The following TBX5 variants were observed in gnomAD, a reference collection of about 807,000 sequenced individuals.
TBX5 encodes the protein T-box transcription factor 5, also known as T-box transcription factor TBX5.
Under a neutral mutation model 51.1 loss-of-function variants are expected in TBX5, and 8 were observed. The ratio of observed to expected loss-of-function variants is 0.16; its 90% CI spans 0.09 to 0.28. The LOEUF (loss-of-function observed/expected upper bound fraction) is 0.28, where lower values mean the gene tolerates loss of function less well. Among genes scored for constraint, TBX5 ranks in the 10% least tolerant of loss-of-function variants. The pLI, the probability that TBX5 is intolerant of heterozygous loss-of-function variation, is 1.00. For synonymous variants in TBX5, 302 were observed against 266.4 expected, an observed-to-expected ratio of 1.13 and a Z score of -1.30; for missense variants, 589 against 671.7, an observed-to-expected ratio of 0.88 and a Z score of 1.36.
chr12:114,386,273 C>T (rs1402281756), intron 6 of TBX5, among the ~76,000 whole-genome samples: 5 of 152,168 alleles, frequency 3.3e-5, no homozygotes, highest in Non-Finnish European at 5.9e-5. Flanking sequence ...TCTTTTTGCA[C>T]GTTTTGGTTC....
chr12:114,394,744 G>A lies in TBX5; in HGVS notation c.660C>T (p.His220=). The change falls in exon 6 of 9, where the codon CAC becomes CAT. Residue 220 remains histidine (H), a synonymous_variant. Transcript: ENST00000405440. ...GGTTCCTGGGCTTCAGGCTTACCTT[G>A]TGGTTCTGGTAGGAAGTCACTGCTA... ...AFIAVTSYQN[H]KITQLKIENN... 1 of 1,614,142 alleles carries A rather than the reference G, an allele frequency of 6.2e-7. No homozygotes were observed.
At chr12:114,397,802 G>A (rs1361400683) in intron 5 of TBX5, among the ~76,000 whole-genome samples, 4 of 152,188 alleles carry the variant, frequency 2.6e-5, no homozygotes, top group Non-Finnish European at 4.4e-5. Context: ...CTCCCCGGGA[G>A]TATCAAGCTA....
Position 114,355,929 on chromosome 12 carries a change from C to CCGG in TBX5, c.1159_1160insCCG (p.Ser387delinsThrGly), listed in dbSNP as rs1395802754. ...GTCCTCTAGGCTGGGCACAGGCTCG[C>CCGG]TGGGGGGCGCAGAGCTGGCATACAT... is the stretch of plus-strand genomic sequence containing the variant. On this transcript the variant is annotated protein_altering_variant, in exon 9 of 9. Transcript: ENST00000405440. 1 of 1,613,840 alleles carries CCGG rather than the reference C, an allele frequency of 6.2e-7. No homozygotes were observed. The highest frequency in any genetic ancestry group is 1.7e-5 in the Admixed American group (1 of 60,032).
chr12:114,381,146 C>G (rs1293348425), intron 7 of TBX5, among the ~76,000 whole-genome samples: 1 of 152,132 alleles, frequency 6.6e-6, no homozygotes, highest in Non-Finnish European at 1.5e-5. Flanking sequence ...GGAGTTGGGC[C>G]AAGAGGTAGA....
At chr12:114,404,350 T>G (rs543262414) in intron 1 of TBX5, among the ~76,000 whole-genome samples, 1 of 152,232 alleles carries the variant, frequency 6.6e-6, no homozygotes, top group East Asian at 1.9e-4. Context: ...AAACCCAGTG[T>G]CCTTTAGAGA....
At chr12:114,368,360 A>G (rs1468535567) in intron 7 of TBX5, among the ~76,000 whole-genome samples, 5 of 151,816 alleles carry the variant, frequency 3.3e-5, no homozygotes, top group Non-Finnish European at 7.3e-5. Flanking sequence ...CAATCAATCA[A>G]TCAATGCTTA....
Position 114,405,704 on chromosome 12 carries a change from C to T in TBX5, c.-115G>A. ...GGAAGCCGGCGGTGAGGCGGGGGAGCAGGCATGGTGGCTCCGGGGTTTATG... is the reference window on the plus strand; with the variant it reads ...GGAAGCCGGCGGTGAGGCGGGGGAGTAGGCATGGTGGCTCCGGGGTTTATG... On this transcript the variant is annotated 5_prime_UTR_variant, in exon 1 of 9. Coordinates refer to ENST00000405440, the MANE Select transcript of TBX5 (RefSeq NM_181486.4). 1.0e-5 allele frequency: 10 copies of T among 985,604 alleles called. No individual in the cohort carries two copies. The highest frequency in any genetic ancestry group is 1.2e-5 in the Non-Finnish European group (10 of 830,058). 61.1% of individuals were successfully genotyped at this position (985,604 alleles called of 1,614,324 possible). A position where few individuals can be genotyped will look rare whatever the true frequency, so the allele number is the denominator to read the frequency against.
intron 6 of TBX5, among the ~76,000 whole-genome samples, chr12:114,387,080 T>C (rs1253987980): frequency 6.6e-6 from 1 of 151,996 alleles, no homozygotes; most frequent in Non-Finnish European, 1.5e-5. Flanking sequence ...TACTCTAGCT[T>C]GGGCAACAGA....
intron 6 of TBX5, among the ~76,000 whole-genome samples, chr12:114,392,978 G>A (rs1388470892): frequency 6.6e-6 from 1 of 152,068 alleles, no homozygotes; most frequent in Non-Finnish European, 1.5e-5. Flanking sequence ...GCTCTCTCTC[G>A]ACCTGGGTTC....
rs764726865 is a variant in TBX5 at position 114,366,405 on chromosome 12, G to C, written c.756-14C>G. ...GGATATTCTTTACTGAAAGAGAAAA[G>C]ATGGGAGATAACGCCTATCAGTGCC... is the stretch of plus-strand genomic sequence containing the variant. On this transcript the variant is annotated splice_polypyrimidine_tract_variant and intron_variant, in intron 7 of 8. Transcript: ENST00000405440. 6.2e-7 allele frequency: 1 copy of C among 1,613,524 alleles called. No homozygotes were observed.
chr12:114,375,537 G>T (rs1870142130), intron 7 of TBX5, among the ~76,000 whole-genome samples: 1 of 152,158 alleles, frequency 6.6e-6, no homozygotes, highest in African/African-American at 2.4e-5. Flanking sequence ...TAATAAAAAT[G>T]TACAACTTCA....
intron 7 of TBX5, among the ~76,000 whole-genome samples, chr12:114,378,158 C>T (rs1180786824): frequency 6.6e-6 from 1 of 152,210 alleles, no homozygotes; most frequent in Non-Finnish European, 1.5e-5. Context: ...GTCCCCCAAT[C>T]CATCATCTAC....
intron 8 of TBX5, among the ~76,000 whole-genome samples, chr12:114,358,189 A>G (rs982820640): frequency 1.3e-5 from 2 of 152,192 alleles, no homozygotes; most frequent in African/African-American, 4.8e-5. Flanking sequence ...CACTCATGCA[A>G]TCATACAGCA....
intron 8 of TBX5, among the ~76,000 whole-genome samples, chr12:114,358,237 G>A (rs1485259664): frequency 6.6e-6 from 1 of 152,178 alleles, no homozygotes; most frequent in Non-Finnish European, 1.5e-5. Flanking sequence ...TAGGTATTGT[G>A]CCAGGTGCTG....
rs200921127 is a variant in TBX5, at chr12:114,394,789, G to C, written c.615C>G (p.Val205=). Residue 205 remains valine (V), a synonymous_variant, in exon 6 of 9, where the codon GTC becomes GTG. Transcript: ENST00000405440. ...CTGCTATAAACGCAGTCTCAGGAAA[G>C]ACGTGAGTGCAGAACGCTGTATTTT... The part of the protein sequence containing the change: ...GSKNTAFCTH[V]FPETAFIAVT... The C allele has an allele frequency of 2.5e-6, 4 of 1,614,202 alleles. No individual in the cohort carries two copies. Among genetic ancestry groups the C allele is most frequent in the Middle Eastern group, 3.3e-4 (2 of 6,062 alleles).
In TBX5 at chr12:114,369,270, C is replaced by T. The variant is rs561634885; in HGVS notation, c.756-2879G>A. ...TATCAATGGACTCCGTGGAATTCTC[C>T]GTTCCAGTACAGCCAAATTGCAAAA... On this transcript the variant is annotated intron_variant, in intron 7 of 8. Transcript: ENST00000405440. Among the ~76,000 whole-genome samples the T allele has an allele frequency of 3.0e-4, 45 of 152,280 alleles. 1 individual carries two copies. In the East Asian group the frequency reaches 8.1e-3, roughly 27 times the overall value.
At chr12:114,360,205 G>A (rs1236964530) in intron 8 of TBX5, among the ~76,000 whole-genome samples, 1 of 152,160 alleles carries the variant, frequency 6.6e-6, no homozygotes, top group East Asian at 1.9e-4. Flanking sequence ...TTGGGAAGGT[G>A]GCTATAATTC....
intron 7 of TBX5, among the ~76,000 whole-genome samples, chr12:114,369,056 T>G (rs1424436472): frequency 6.6e-6 from 1 of 152,110 alleles, no homozygotes; most frequent in Non-Finnish European, 1.5e-5. Flanking sequence ...AATAAAACAT[T>G]ATAAAAGTTG....
At chr12:114,387,256 C>T (rs558525491) in intron 6 of TBX5, among the ~76,000 whole-genome samples, 45 of 152,312 alleles carry the variant, frequency 3.0e-4, no homozygotes, top group African/African-American at 1.1e-3. Flanking sequence ...TGAATGTACC[C>T]TCTAATTTCT....
Sources: allele counts gnomAD v4.1 joint callset (sites outside exome capture counted in the v4.1 genomes callset), GRCh38; gene constraint gnomAD v4.1.1; transcripts MANE v1.5; gene names NCBI Gene and HGNC (gene_info 2026-07-23, HGNC 2026-07-21).